Variants in CELF2 observed in about 807,000 individuals in gnomAD.
The protein encoded by CELF2 is CUG triplet repeat RNA-binding protein 2.
CELF2 carries 8 observed loss-of-function variants against 62.6 expected under a neutral mutation model. The ratio of observed to expected loss-of-function variants is 0.13; its 90% CI spans 0.07 to 0.23. The LOEUF is 0.23. Among genes scored for constraint, CELF2 ranks in the 10% least tolerant of loss-of-function variants. The pLI, the probability that CELF2 is intolerant of heterozygous loss-of-function variation, is 1.00. For missense variants in CELF2, 333 were observed against 671.0 expected, an observed-to-expected ratio of 0.50 and a Z score of 5.56; for synonymous variants, 258 against 250.0, an observed-to-expected ratio of 1.03 and a Z score of -0.30.
chr10:11,301,340 A>G (rs891304088), intron 9 of CELF2, among the ~76,000 whole-genome samples: 1 of 148,976 alleles, frequency 6.7e-6, no homozygotes, highest in African/African-American at 2.5e-5. Flanking sequence ...TGGAGCCCCT[A>G]TGCGGGCCCT....
chr10:10,682,946 C>G, the CELF2 span, among the ~76,000 whole-genome samples: 2 of 152,090 alleles, frequency 1.3e-5, no homozygotes, highest in Non-Finnish European at 2.9e-5. Context: ...CTCCATCACT[C>G]CTGGATTGAC....
At chr10:10,781,005 T>A in the CELF2 span, among the ~76,000 whole-genome samples, 2 of 152,220 alleles carry the variant, frequency 1.3e-5, no homozygotes, top group Non-Finnish European at 2.9e-5. Flanking sequence ...CTACTCTTTT[T>A]GAGTCATCAC....
chr10:11,149,157 A>G (rs143603477), intron 1 of CELF2, among the ~76,000 whole-genome samples: 117 of 151,462 alleles, frequency 7.7e-4, no homozygotes, highest in African/African-American at 2.1e-3. Flanking sequence ...TGCAACTTCC[A>G]CCTCCTGTGT....
At chr10:10,863,826 G>A (rs2060192640) in intron 1 of CELF2, among the ~76,000 whole-genome samples, 1 of 152,132 alleles carries the variant, frequency 6.6e-6, no homozygotes, top group African/African-American at 2.4e-5. Context: ...CTGGTCAAAA[G>A]CAGCCCACTA....
intron 1 of CELF2, among the ~76,000 whole-genome samples, chr10:11,082,317 T>C (rs2074238790): frequency 6.6e-6 from 1 of 152,228 alleles, no homozygotes; most frequent in African/African-American, 2.4e-5. Flanking sequence ...CTTTGTTTCG[T>C]TGCAGTGATA....
At position 11,270,908 on chromosome 10, in the gene CELF2, G is replaced by A; in HGVS notation, c.777+84G>A. Reference sequence around the variant, plus strand: ...TTCCCCTCCCTACGCTGAGGCATTTGTTTTCAGTACATTTTCAATCTCGGG... The same window carrying A: ...TTCCCCTCCCTACGCTGAGGCATTTATTTTCAGTACATTTTCAATCTCGGG... On this transcript the variant is annotated intron_variant, in intron 7 of 12. Coordinates refer to ENST00000633077, the MANE Select transcript of CELF2 (RefSeq NM_001326342.2). The surrounding 1 kb of genome is among the most constrained non-coding windows in gnomAD (Gnocchi z 5.8). 1 of 1,200,556 alleles carries A rather than the reference G, an allele frequency of 8.3e-7. No homozygotes were observed. Among genetic ancestry groups the A allele is most frequent in the Admixed American group, 3.1e-5 (1 of 32,496 alleles). The allele number at this position is 1,200,556 out of a possible 1,614,324, so 74.4% of individuals were successfully genotyped here.
the CELF2 span, among the ~76,000 whole-genome samples, chr10:10,791,667 T>G: frequency 6.6e-6 from 1 of 152,200 alleles, no homozygotes. Flanking sequence ...TCTTTAAAAG[T>G]CTCTGTGAAT....
chr10:10,908,167 A>G (rs2134275255), intron 1 of CELF2, among the ~76,000 whole-genome samples: 2 of 142,656 alleles, frequency 1.4e-5, no homozygotes, highest in Middle Eastern at 7.4e-3. Flanking sequence ...TTGCGGAATG[A>G]GGGCTGATAG....
intron 1 of CELF2, among the ~76,000 whole-genome samples, chr10:11,118,795 C>A (rs72773945): frequency 0.022 from 3,403 of 152,298 alleles, 50 homozygotes; most frequent in Middle Eastern, 0.051. Flanking sequence ...GCTCAGGAGT[C>A]ACTTCTCTTG....
chr10:10,610,187 T>G, the CELF2 span, among the ~76,000 whole-genome samples: 4 of 152,166 alleles, frequency 2.6e-5, no homozygotes. Context: ...CTTCAGTCAG[T>G]TAAATAAGAT....
intron 6 of CELF2, 113 bp downstream of exon 6, chr10:11,266,790 C>T: frequency 1.4e-6 from 1 of 722,002 alleles, no homozygotes. Flanking sequence ...TAAACTTTCA[C>T]CATCTCAGTT....
chr10:10,877,467 T>C (rs1481874134), intron 1 of CELF2, among the ~76,000 whole-genome samples: 2 of 152,232 alleles, frequency 1.3e-5, no homozygotes, highest in Admixed American at 1.3e-4. Flanking sequence ...AGACAAATGG[T>C]TGCATTCTTT....
In CELF2 at chr10:11,197,929, G is replaced by A. The variant is rs573631563; in HGVS notation, c.272-19496G>A. On this transcript the variant is annotated intron_variant, in intron 2 of 12. Transcript: ENST00000633077. The stretch of plus-strand genomic sequence containing the variant: ...AATGTATTTTTGTGGCAGCTTCAAG[G>A]CAGTTGCAAGATAGTGTATTTTTCA... Among the ~76,000 whole-genome samples, 4 of 152,306 alleles carry A rather than the reference G, an allele frequency of 2.6e-5. No homozygotes were observed. The South Asian group carries it at 8.3e-4, about 32-fold the overall frequency.
intron 1 of CELF2, among the ~76,000 whole-genome samples, chr10:10,909,765 A>G (rs2063650175): frequency 6.6e-6 from 1 of 152,224 alleles, no homozygotes; most frequent in African/African-American, 2.4e-5. Context: ...TGAGGTGGAT[A>G]AAATCTCTTC....
chr10:10,956,705 T>C (rs2048938885), intron 2 of CELF2, among the ~76,000 whole-genome samples: 2 of 152,048 alleles, frequency 1.3e-5, no homozygotes, highest in Non-Finnish European at 2.9e-5. Flanking sequence ...AGCCGGAGGA[T>C]TGCTTGAAGC....
At chr10:10,501,655 C>T in the CELF2 span, among the ~76,000 whole-genome samples, 1 of 152,078 alleles carries the variant, frequency 6.6e-6, no homozygotes, top group African/African-American at 2.4e-5. Context: ...TATCCTGCAA[C>T]TTTGCTGAAC....
intron 2 of CELF2, among the ~76,000 whole-genome samples, chr10:10,923,550 T>G (rs1227331346): frequency 6.6e-6 from 1 of 152,198 alleles, no homozygotes; most frequent in Non-Finnish European, 1.5e-5. Context: ...CCCAAGGTGC[T>G]TGAACAGGCA....
At chr10:11,063,433 C>G (rs1022949174) in intron 1 of CELF2, among the ~76,000 whole-genome samples, 3 of 152,174 alleles carry the variant, frequency 2.0e-5, no homozygotes, top group Non-Finnish European at 4.4e-5. Flanking sequence ...AATATTGAAA[C>G]TAGAGAATTT....
At chr10:11,025,239 G>GTGTGTGTGTATATATATATATATA (rs61580670) in intron 1 of CELF2, among the ~76,000 whole-genome samples, 9 of 140,994 alleles carry the variant, frequency 6.4e-5, no homozygotes, top group African/African-American at 2.3e-4. Context: ...GTGTGTGTGT[G>GTGTGTGTGTATATATATATATATA]TATATGTATG....
Sources: allele counts gnomAD v4.1 joint callset (sites outside exome capture counted in the v4.1 genomes callset), GRCh38; gene constraint gnomAD v4.1.1; non-coding constraint Gnocchi (gnomAD v3.1); transcripts MANE v1.5; gene names NCBI Gene and HGNC (gene_info 2026-07-23, HGNC 2026-07-21).